FMN2: variants seen among roughly 807,000 people sequenced by gnomAD.
The protein encoded by FMN2 is formin 2.
Under a neutral mutation model 142.3 loss-of-function variants are expected in FMN2, and 51 were observed. That is an observed-to-expected ratio of 0.36 (90% CI 0.29 to 0.45). The LOEUF is 0.45. Ranked by LOEUF, FMN2 falls within the 20% of genes least tolerant of loss-of-function variation. The pLI is 1.00. For synonymous variants in FMN2, 882 were observed against 869.8 expected (o/e 1.01, Z -0.25); for missense variants, 1,936 against 2,122.8 (o/e 0.91, Z 1.73).
chr1:240,433,821 G>A (rs74151678), intron 15 of FMN2, among the ~76,000 whole-genome samples: 1 of 152,120 alleles, frequency 6.6e-6, no homozygotes, highest in Admixed American at 6.5e-5. Flanking sequence ...ATGTCGTGAG[G>A]AGTTTGTCCT....
intron 4 of FMN2, among the ~76,000 whole-genome samples, chr1:240,205,381 A>T (rs898528536): frequency 6.7e-6 from 1 of 150,038 alleles, no homozygotes; most frequent in Non-Finnish European, 1.5e-5. Context: ...CTTTCTCTCT[A>T]TCAATTCCTT....
chr1:240,292,232 C>A (rs952107578), intron 7 of FMN2, among the ~76,000 whole-genome samples: 4 of 152,056 alleles, frequency 2.6e-5, no homozygotes, highest in African/African-American at 9.7e-5. Context: ...GACTTGGAAC[C>A]AAGAAATTTC....
intron 13 of FMN2, among the ~76,000 whole-genome samples, chr1:240,338,406 A>G (rs1013867697): frequency 6.6e-6 from 1 of 152,200 alleles, no homozygotes; most frequent in Non-Finnish European, 1.5e-5. Flanking sequence ...GAAACAAATA[A>G]GCTTTTTTAA....
intron 7 of FMN2, among the ~76,000 whole-genome samples, chr1:240,267,097 G>A (rs1403588270): frequency 6.6e-6 from 1 of 152,028 alleles, no homozygotes; most frequent in East Asian, 1.9e-4. Flanking sequence ...ATTGACAAGT[G>A]GAACCTAATT....
At chr1:240,463,050 G>C (rs73130288) in intron 16 of FMN2, among the ~76,000 whole-genome samples, 1 of 152,176 alleles carries the variant, frequency 6.6e-6, no homozygotes, top group East Asian at 1.9e-4. Context: ...GGGAGATTAG[G>C]TGAGTTGGAG....
At chr1:240,206,743 T>A in intron 4 of FMN2, 56 bp from the exon 5 acceptor site, 1 of 1,544,000 alleles carries the variant, frequency 6.5e-7, no homozygotes, top group Non-Finnish European at 8.7e-7. Flanking sequence ...AATTTTTTGC[T>A]ATTTGCATTT....
chr1:240,348,636 AAGAGT>A (rs2103037539), intron 13 of FMN2, among the ~76,000 whole-genome samples: 1 of 152,152 alleles, frequency 6.6e-6, no homozygotes, highest in Admixed American at 6.5e-5. Context: ...ACATTCTGAA[AAGAGT>A]CCCCAGTTGA....
chr1:240,293,004 A>G (rs1669846003), intron 7 of FMN2, among the ~76,000 whole-genome samples: 2 of 152,188 alleles, frequency 1.3e-5, no homozygotes, highest in African/African-American at 4.8e-5. Flanking sequence ...TCTGTGGATG[A>G]GTAAAAAATG....
intron 4 of FMN2, among the ~76,000 whole-genome samples, chr1:240,202,554 C>T (rs1666164985): frequency 6.6e-6 from 1 of 152,106 alleles, no homozygotes; most frequent in Non-Finnish European, 1.5e-5. Flanking sequence ...GGCTGGACTC[C>T]TGGGCTCAAG....
At chr1:240,180,931 G>T (rs1425532159) in intron 3 of FMN2, among the ~76,000 whole-genome samples, 2 of 151,954 alleles carry the variant, frequency 1.3e-5, no homozygotes, top group Non-Finnish European at 2.9e-5. Context: ...AGAAAGACTT[G>T]CAGGTCTAGC....
At chr1:240,270,954 G>A (rs750068448) in intron 7 of FMN2, among the ~76,000 whole-genome samples, 12 of 151,812 alleles carry the variant, frequency 7.9e-5, no homozygotes, top group Non-Finnish European at 1.5e-4. Flanking sequence ...TAATAATAAT[G>A]TATTGTATAT....
At chr1:240,256,759 C>CAAAA (rs1202688536) in intron 6 of FMN2, among the ~76,000 whole-genome samples, 2 of 151,924 alleles carry the variant, frequency 1.3e-5, no homozygotes, top group African/African-American at 4.8e-5. Context: ...TCAAAACAAA[C>CAAAA]AAACAAACAA....
chr1:240,160,273 T>G (rs1393106847), intron 2 of FMN2, among the ~76,000 whole-genome samples: 1 of 151,140 alleles, frequency 6.6e-6, no homozygotes, highest in Non-Finnish European at 1.5e-5. Flanking sequence ...CTACTATCCC[T>G]GATAAATGTA....
intron 16 of FMN2, 95 bp downstream of exon 16, chr1:240,438,305 A>G (rs1675472655): frequency 7.5e-7 from 1 of 1,328,006 alleles, no homozygotes; most frequent in Non-Finnish European, 1.0e-6. Flanking sequence ...TGAAGAAAAA[A>G]TTAGATGGCC....
intron 4 of FMN2, among the ~76,000 whole-genome samples, chr1:240,189,210 G>T (rs1374141285): frequency 1.3e-5 from 2 of 151,094 alleles, no homozygotes. Flanking sequence ...AACGTGTATG[G>T]AATAGTAATT....
intron 8 of FMN2, among the ~76,000 whole-genome samples, chr1:240,300,896 A>ATG (rs1020274611): frequency 9.2e-6 from 1 of 108,880 alleles, no homozygotes; most frequent in African/African-American, 3.6e-5. Context: ...TACTGTGTGC[A>ATG]TGTTTTTTTT....
intron 1 of FMN2, 99 bp from the exon 2 acceptor site, chr1:240,123,080 G>A: frequency 1.5e-6 from 2 of 1,335,586 alleles, no homozygotes; most frequent in Admixed American, 4.0e-5. Context: ...TGGAAACGGT[G>A]TTGTTCCCTG....
chr1:240,352,932 A>G (rs1370065124), intron 13 of FMN2, among the ~76,000 whole-genome samples: 2 of 152,172 alleles, frequency 1.3e-5, no homozygotes, highest in Admixed American at 1.3e-4. Context: ...GCAGTCAGCT[A>G]CTTTCTGAAT....
At chr1:240,361,055 G>A (rs2103054120) in intron 14 of FMN2, among the ~76,000 whole-genome samples, 1 of 149,290 alleles carries the variant, frequency 6.7e-6, no homozygotes, top group South Asian at 2.1e-4. Context: ...CACCAACATG[G>A]CACATGTATA....
Sources: gnomAD v4.1 joint callset for allele counts (sites outside exome capture counted in the v4.1 genomes callset) on GRCh38, gnomAD v4.1.1 for gene constraint, MANE v1.5 for transcripts, NCBI Gene and HGNC (gene_info 2026-07-23, HGNC 2026-07-21) for gene names.